The following ANK3 variants were observed in gnomAD, a reference collection of about 807,000 sequenced individuals.
ANK3 encodes the protein ankyrin-3.
A neutral mutation model predicts 370.9 loss-of-function variants in ANK3; 57 were observed. The observed-to-expected ratio is 0.15, with a 90% CI of 0.12 to 0.19. The LOEUF (loss-of-function observed/expected upper bound fraction) is 0.19, where lower values mean the gene tolerates loss of function less well. ANK3 is among the 10% of genes least tolerant of loss of function. The probability of loss-of-function intolerance (pLI) is 1.00; values close to 1 mark genes in which losing one functional copy is unlikely to be tolerated. For missense variants in ANK3, 4,439 were observed against 5,302.1 expected (o/e 0.84, Z 5.06); for synonymous variants, 1,929 against 1,946.3 (o/e 0.99, Z 0.23).
chr10:60,217,946 G>A (rs749001620), intron 8 of ANK3, among the ~76,000 whole-genome samples: 10 of 152,202 alleles, frequency 6.6e-5, no homozygotes, highest in Non-Finnish European at 1.3e-4. Context: ...CTTTTATTGG[G>A]TGCCTATATA....
chr10:60,070,842 G>A lies in ANK3; in HGVS notation c.10039C>T (p.Pro3347Ser), dbSNP rs1369093094. ...GAAGCCTTTTCAGCAGAAGCTTTGGGTTTTTCTTTTTGTTCATCGTCCACT... is the reference window on the plus strand; with the variant it reads ...GAAGCCTTTTCAGCAGAAGCTTTGGATTTTTCTTTTTGTTCATCGTCCACT... ...KEVDDEQKEK[P>S]KASAEKASNQ... Residue 3347 changes from proline to serine, a missense_variant, in exon 37 of 44, where the codon CCC (proline) becomes TCC (serine). Physicochemically the swap from Pro to Ser is moderately conservative, Grantham distance 74. Around this residue, in one of 13 missense-constraint regions of ANK3, gnomAD observed 1,601 missense variants for 1,731.7 expected, o/e 0.92. Coordinates refer to ENST00000280772, the MANE Select transcript of ANK3 (RefSeq NM_020987.5). This position sits in a 1 kb window ranked among gnomAD's most constrained non-coding sequence, Gnocchi z 5.7. The A allele has an allele frequency of 6.2e-7, 1 of 1,614,050 alleles. No homozygotes were observed. The highest frequency in any genetic ancestry group is 1.1e-5 in the South Asian group (1 of 91,076).
At chr10:60,240,988 T>C (rs558097597) in intron 7 of ANK3, among the ~76,000 whole-genome samples, 145 of 152,308 alleles carry the variant, frequency 9.5e-4, no homozygotes, top group African/African-American at 3.2e-3. Context: ...ACATGTACAT[T>C]TGTACAGTGG....
rs185629201 is a variant in ANK3 at position 60,407,373 on chromosome 10, C to T, written c.97-127734G>A. 5.9e-5 allele frequency among the ~76,000 whole-genome samples: 9 copies of T among 152,292 alleles called. No homozygotes were observed. In the East Asian group the frequency reaches 1.7e-3, roughly 29 times the overall value. On this transcript the variant is annotated intron_variant, in intron 2 of 43. Transcript: ENST00000373827. ...AGCGATAATTATAATTTATTCTCCT[C>T]TACAGAATTGTGAGGATGCAAATTA...
In ANK3 at chr10:60,354,954, C is replaced by T. The variant is rs1360954658; in HGVS notation, c.114+34471G>A. Among the ~76,000 whole-genome samples, 7 of 152,268 alleles carry T rather than the reference C, an allele frequency of 4.6e-5. No individual in the cohort carries two copies. The East Asian group carries it at 1.2e-3, about 25-fold the overall frequency. ...GCTAAATAAATACCCTGAGTCTGAT[C>T]ATCTCCATAGTTAACTTTACAACTA... On this transcript the variant is annotated intron_variant, in intron 1 of 43. Transcript: ENST00000280772.
At chr10:60,688,752 T>C (rs930557897) in intron 1 of ANK3, among the ~76,000 whole-genome samples, 26 of 151,938 alleles carry the variant, frequency 1.7e-4, no homozygotes, top group Non-Finnish European at 3.4e-4. Flanking sequence ...ATCGAGACCA[T>C]CCTGGCTAAC....
At chr10:60,638,573 G>C (rs10761533) in intron 1 of ANK3, among the ~76,000 whole-genome samples, 102,760 of 151,784 alleles carry the variant, frequency 0.68, 34,904 homozygotes, top group South Asian at 0.82. Flanking sequence ...ACAGAAATGA[G>C]AGAGATGATG....
chr10:60,400,410 T>C (rs1165107759), intron 2 of ANK3, among the ~76,000 whole-genome samples: 1 of 152,168 alleles, frequency 6.6e-6, no homozygotes, highest in Non-Finnish European at 1.5e-5. Flanking sequence ...AAAAAAGAAA[T>C]CATGCTTATT....
In ANK3 at chr10:60,373,792, G is replaced by A. The variant is rs112175877; in HGVS notation, c.114+15633C>T. ...TGCTCTTGGAGTGAGGGATATAGCC[G>A]TCCTTGTTCTAGCACTGAAAGTGGA... On this transcript the variant is annotated intron_variant, in intron 1 of 43. Coordinates refer to ENST00000280772, the MANE Select transcript of ANK3 (RefSeq NM_020987.5). 3.0e-3 allele frequency among the ~76,000 whole-genome samples: 451 copies of A among 152,182 alleles called. 2 individuals are homozygous for A. Among genetic ancestry groups the A allele is most frequent in the African/African-American group, 0.01 (421 of 41,520 alleles).
intron 11 of ANK3, among the ~76,000 whole-genome samples, chr10:60,204,705 C>T (rs1307571860): frequency 1.3e-5 from 2 of 151,948 alleles, no homozygotes; most frequent in Non-Finnish European, 2.9e-5. Flanking sequence ...TATATGAAGA[C>T]CAGTCAGACT....
chr10:60,440,933 G>A (rs970506293), intron 2 of ANK3, among the ~76,000 whole-genome samples: 6 of 152,132 alleles, frequency 3.9e-5, no homozygotes, highest in Admixed American at 2.0e-4. Flanking sequence ...TTCTTCATAC[G>A]CCAGTTTTAA....
chr10:60,663,597 G>A (rs2078962301), intron 1 of ANK3, among the ~76,000 whole-genome samples: 1 of 152,128 alleles, frequency 6.6e-6, no homozygotes, highest in South Asian at 2.1e-4. Context: ...CACTAAAACT[G>A]AGTTTTCTTA....
intron 2 of ANK3, among the ~76,000 whole-genome samples, chr10:60,592,221 CT>C (rs1297653380): frequency 6.6e-6 from 1 of 151,784 alleles, no homozygotes; most frequent in African/African-American, 2.4e-5. Flanking sequence ...TACCCACAAG[CT>C]TTTTTTAATA....
chr10:60,624,990 C>T (rs188575791), intron 1 of ANK3, among the ~76,000 whole-genome samples: 89 of 152,060 alleles, frequency 5.9e-4, no homozygotes, highest in African/African-American at 1.7e-3. Context: ...ACCAATACCC[C>T]GCTTGAGAGG....
At chr10:60,624,929 G>T (rs554112180) in intron 1 of ANK3, among the ~76,000 whole-genome samples, 20 of 152,236 alleles carry the variant, frequency 1.3e-4, no homozygotes, top group Admixed American at 5.9e-4. Context: ...TGAAGCAGGG[G>T]AAATGAGAAG....
At chr10:60,330,060 C>T (rs188165359) in intron 1 of ANK3, among the ~76,000 whole-genome samples, 1 of 152,062 alleles carries the variant, frequency 6.6e-6, no homozygotes, top group African/African-American at 2.4e-5. Flanking sequence ...TAATAAATGA[C>T]GTTGGGAAAA....
chr10:60,311,127 A>AC (rs999174807), intron 1 of ANK3, among the ~76,000 whole-genome samples: 4 of 152,228 alleles, frequency 2.6e-5, no homozygotes, highest in African/African-American at 9.6e-5. Context: ...TTGTTCAATT[A>AC]CAAAGACTTG....
chr10:60,189,127 A>T (rs2096414957), intron 16 of ANK3, among the ~76,000 whole-genome samples: 1 of 152,364 alleles, frequency 6.6e-6, no homozygotes, highest in South Asian at 2.1e-4. Flanking sequence ...AAGGCAGCTC[A>T]CACATGAAAA....
At chr10:60,514,779 A>G (rs533361451) in intron 2 of ANK3, among the ~76,000 whole-genome samples, 1 of 152,286 alleles carries the variant, frequency 6.6e-6, no homozygotes, top group East Asian at 1.9e-4. Flanking sequence ...TAAAGGATAA[A>G]AAACTAGTGA....
chr10:60,494,987 T>C (rs1260477415), intron 2 of ANK3, among the ~76,000 whole-genome samples: 1 of 152,202 alleles, frequency 6.6e-6, no homozygotes, highest in African/African-American at 2.4e-5. Flanking sequence ...CCAAGAAATC[T>C]AACAATACCT....
Sources: gnomAD v4.1 joint callset for allele counts (sites outside exome capture counted in the v4.1 genomes callset) on GRCh38, gnomAD v4.1.1 for gene constraint, gnomAD v4.1.1 regional missense constraint, Gnocchi (gnomAD v3.1) non-coding constraint, MANE v1.5 for transcripts, NCBI Gene and HGNC (gene_info 2026-07-23, HGNC 2026-07-21) for gene names.